Variants in GBF1 observed in about 807,000 individuals in gnomAD.
GBF1 encodes the protein golgi brefeldin A resistant guanine nucleotide exchange factor 1.
A neutral mutation model predicts 210.5 loss-of-function variants in GBF1; 114 were observed. The observed-to-expected ratio is 0.54, with a 90% CI of 0.47 to 0.63. The LOEUF is 0.63. GBF1 is among the 30% of genes least tolerant of loss of function. The pLI, the probability that GBF1 is intolerant of heterozygous loss-of-function variation, is 0.00. For missense variants in GBF1, 1,851 were observed against 2,357.7 expected, an observed-to-expected ratio of 0.79 and a Z score of 4.45; for synonymous variants, 850 against 889.2, an observed-to-expected ratio of 0.96 and a Z score of 0.78.
intron 3 of GBF1, among the ~76,000 whole-genome samples, chr10:102,333,702 C>CA (rs2057505962): frequency 6.6e-6 from 1 of 152,146 alleles, no homozygotes; most frequent in African/African-American, 2.4e-5. Flanking sequence ...GCTGGGATTA[C>CA]AGGTGTAAGC....
the GBF1 span, chr10:102,231,085 C>G: frequency 1.3e-6 from 2 of 1,558,670 alleles, no homozygotes; most frequent in Non-Finnish European, 1.7e-6. Flanking sequence ...TTTGGCGCGC[C>G]GGTTCTTGAA....
At chr10:102,370,284 A>G in intron 27 of GBF1, 39 bp downstream of exon 27, 1 of 1,515,914 alleles carries the variant, frequency 6.6e-7, no homozygotes, top group Non-Finnish European at 9.2e-7. Flanking sequence ...CAACTGGCTG[A>G]ATCTGGGAGG....
At chr10:102,230,757 G>C in the GBF1 span, 1 of 1,493,386 alleles carries the variant, frequency 6.7e-7, no homozygotes, top group South Asian at 1.3e-5. Flanking sequence ...CCAGCCCGGG[G>C]GGGCCCCCGC....
intron 3 of GBF1, among the ~76,000 whole-genome samples, chr10:102,320,894 C>G (rs1335148943): frequency 2.6e-5 from 4 of 151,802 alleles, no homozygotes; most frequent in Non-Finnish European, 5.9e-5. Context: ...CTCCTAGATT[C>G]AAGTGATTCT....
intron 37 of GBF1, 41 bp downstream of exon 37, chr10:102,380,403 C>T: frequency 1.3e-6 from 2 of 1,577,990 alleles, no homozygotes; most frequent in East Asian, 2.2e-5. Flanking sequence ...TCCTGTCCCA[C>T]CTGTTGGAAG....
chr10:102,370,127 C>A, intron 26 of GBF1, 47 bp from the exon 27 acceptor site: 1 of 1,526,514 alleles, frequency 6.6e-7, no homozygotes, highest in Non-Finnish European at 9.1e-7. Context: ...ACATTCTGTT[C>A]TCTTCAGCCT....
In GBF1 at chr10:102,379,220, G is replaced by A. The variant is rs968049784; in HGVS notation, c.4495-64G>A. On this transcript the variant is annotated intron_variant, in intron 33 of 39. Coordinates refer to ENST00000369983, the MANE Select transcript of GBF1 (RefSeq NM_001377137.1). ...GGACTTAGTTAGGGACAGTGAGTGGGGAGGGGGAAAGGGATCCACGAGACC... is the reference window on the plus strand; with the variant it reads ...GGACTTAGTTAGGGACAGTGAGTGGAGAGGGGGAAAGGGATCCACGAGACC... The A allele has an allele frequency of 8.7e-6, 13 of 1,502,394 alleles. No individual in the cohort carries two copies. In the East Asian group the frequency reaches 2.0e-4, roughly 24 times the overall value. 93.1% of individuals were successfully genotyped at this position (1,502,394 alleles called of 1,614,324 possible). A position where few individuals can be genotyped will look rare whatever the true frequency, so the allele number is the denominator to read the frequency against.
intron 3 of GBF1, among the ~76,000 whole-genome samples, chr10:102,270,152 A>G (rs531274992): frequency 6.6e-6 from 1 of 151,840 alleles, no homozygotes; most frequent in African/African-American, 2.4e-5. Flanking sequence ...TGCTGGGATT[A>G]CAGGCGTGAA....
At chr10:102,356,739 C>T (rs1026512492) in intron 8 of GBF1, among the ~76,000 whole-genome samples, 2 of 147,216 alleles carry the variant, frequency 1.4e-5, no homozygotes, top group African/African-American at 5.0e-5. Context: ...TGCACTCCAG[C>T]CTGGGTGGCA....
intron 3 of GBF1, among the ~76,000 whole-genome samples, chr10:102,322,314 A>T (rs1400909924): frequency 1.3e-5 from 2 of 152,234 alleles, no homozygotes; most frequent in Non-Finnish European, 2.9e-5. Context: ...TGACATCTTT[A>T]TAATATATTT....
At chr10:102,262,446 A>T (rs182045770) in intron 3 of GBF1, among the ~76,000 whole-genome samples, 27 of 152,332 alleles carry the variant, frequency 1.8e-4, no homozygotes, top group African/African-American at 6.5e-4. Context: ...AATTCAGAGT[A>T]CTGTCTTCTT....
At chr10:102,341,709 C>A (rs2058193295) in intron 3 of GBF1, among the ~76,000 whole-genome samples, 1 of 152,168 alleles carries the variant, frequency 6.6e-6, no homozygotes, top group Non-Finnish European at 1.5e-5. Context: ...AAATTACATG[C>A]TGTATAAATC....
chr10:102,375,767 A>G (rs1426398445), intron 30 of GBF1, among the ~76,000 whole-genome samples, 183 bp downstream of exon 30: 2 of 151,996 alleles, frequency 1.3e-5, no homozygotes, highest in African/African-American at 4.8e-5. Context: ...CATGAGGGCA[A>G]ATAAGCAATG....
At chr10:102,377,318 AATTT>A (rs746237101) in intron 33 of GBF1, among the ~76,000 whole-genome samples, 178 bp downstream of exon 33, 193 of 151,718 alleles carry the variant, frequency 1.3e-3, no homozygotes, top group African/African-American at 4.2e-3. Context: ...TATTTGCTTA[AATTT>A]ATTTATTTAT....
the GBF1 span, chr10:102,231,819 G>A: frequency 1.3e-6 from 2 of 1,592,418 alleles, no homozygotes; most frequent in Non-Finnish European, 8.5e-7. Context: ...GCAGGTCACA[G>A]AGCGCCCAAG....
rs112809254 is a variant in GBF1, at chr10:102,380,598, C to T, written c.5085C>T (p.Pro1695=). 0.022 allele frequency: 34,784 copies of T among 1,613,916 alleles called. 590 individuals carry two copies. The highest frequency in any genetic ancestry group is 0.076 in the African/African-American group (5,670 of 74,990). ...GTGCAGATGCACGGGGAGGCGGCCC[C>T]TCGGCCCTCTGGGAGATCACCTGGG... ...FHSADARGGG[P]SALWEITWER... is the part of the protein sequence containing the mutation. The change falls in exon 38 of 40, where the codon CCC becomes CCT. Residue 1695 remains proline (P), a synonymous_variant. Coordinates refer to ENST00000369983, the MANE Select transcript of GBF1 (RefSeq NM_001377137.1).
chr10:102,256,142 G>A (rs1034706273), intron 1 of GBF1, among the ~76,000 whole-genome samples: 13 of 151,992 alleles, frequency 8.6e-5, no homozygotes, highest in African/African-American at 2.9e-4. Flanking sequence ...GACAGGGTTC[G>A]CCATGTTGCC....
rs1406284158 is a variant in GBF1 at position 102,370,628 on chromosome 10, A to G, written c.3507-79A>G. 4 of 1,429,732 alleles carry G rather than the reference A, an allele frequency of 2.8e-6. No homozygotes were observed. The East Asian group carries it at 9.1e-5, about 33-fold the overall frequency. The allele number at this position is 1,429,732 out of a possible 1,614,324, so 88.6% of individuals were successfully genotyped here. A position where few individuals can be genotyped will look rare whatever the true frequency, so the allele number is the denominator to read the frequency against. On this transcript the variant is annotated intron_variant, in intron 28 of 39. Transcript: ENST00000369983. ...GTCTACTTAGGGTATAATACCAATG[A>G]GTCCTGAAAGGCCTAGGGGACCTGT... is the stretch of plus-strand genomic sequence containing the variant.
chr10:102,305,287 A>G (rs1315179948), intron 3 of GBF1, among the ~76,000 whole-genome samples: 1 of 151,708 alleles, frequency 6.6e-6, no homozygotes, highest in Non-Finnish European at 1.5e-5. Context: ...CTGTACTTCT[A>G]ATTCTGGACA....
Sources: allele counts gnomAD v4.1 joint callset (sites outside exome capture counted in the v4.1 genomes callset), GRCh38; gene constraint gnomAD v4.1.1; transcripts MANE v1.5; gene names NCBI Gene and HGNC (gene_info 2026-07-23, HGNC 2026-07-21).